Variants in GRAMD1B observed in about 807,000 individuals in gnomAD.
GRAMD1B encodes the protein GRAM domain containing 1B, also known as protein Aster-B.
Under a neutral mutation model 99.7 loss-of-function variants are expected in GRAMD1B, and 37 were observed. The ratio of observed to expected loss-of-function variants is 0.37; its 90% confidence interval spans 0.29 to 0.49. The LOEUF (loss-of-function observed/expected upper bound fraction) is 0.49. Ranked by LOEUF, GRAMD1B falls within the 20% of genes least tolerant of loss-of-function variation. The pLI is 0.98. For synonymous variants in GRAMD1B, 427 were observed against 387.6 expected (o/e 1.10, Z -1.19); for missense variants, 888 against 1,009.2 (o/e 0.88, Z 1.63).
intron 19 of GRAMD1B, among the ~76,000 whole-genome samples, chr11:123,620,147 T>C (rs896255502): frequency 6.6e-6 from 1 of 152,206 alleles, no homozygotes; most frequent in Admixed American, 6.5e-5. Flanking sequence ...TATTAAACTT[T>C]GTTTCCTTGC....
At chr11:123,517,248 A>C (rs76174411) in intron 2 of GRAMD1B, among the ~76,000 whole-genome samples, 4,635 of 152,328 alleles carry the variant, frequency 0.03, 237 homozygotes, top group African/African-American at 0.11. Context: ...GAAAAAATAA[A>C]CAGCTGATTG....
At chr11:123,557,692 A>G (rs770239782) in intron 2 of GRAMD1B, among the ~76,000 whole-genome samples, 2 of 152,362 alleles carry the variant, frequency 1.3e-5, no homozygotes, top group South Asian at 4.1e-4. Flanking sequence ...CAAAGAGCAC[A>G]GAAGAAGTAA....
At chr11:123,533,055 C>A (rs148286285) in intron 2 of GRAMD1B, among the ~76,000 whole-genome samples, 72 of 152,260 alleles carry the variant, frequency 4.7e-4, no homozygotes, top group African/African-American at 1.7e-3. Context: ...TCACAACTTC[C>A]GCCTCCCTGG....
intron 1 of GRAMD1B, among the ~76,000 whole-genome samples, chr11:123,363,584 GT>G (rs898353237): frequency 7.4e-4 from 109 of 147,956 alleles, no homozygotes; most frequent in African/African-American, 2.7e-3. Flanking sequence ...TTTTTTGTTT[GT>G]TTTTTTTTGG....
chr11:123,467,394 CTTTTTTT>C (rs11447711), intron 1 of GRAMD1B, among the ~76,000 whole-genome samples: 1 of 103,340 alleles, frequency 9.7e-6, no homozygotes, highest in African/African-American at 3.7e-5. Context: ...TTTTCAACAC[CTTTTTTT>C]TTTTTTTTTT....
chr11:123,598,518 T>C (rs1384481170), intron 7 of GRAMD1B: 1 of 1,440,588 alleles, frequency 6.9e-7, no homozygotes, highest in Non-Finnish European at 9.8e-7. Context: ...CTCAGTGTCT[T>C]ACTTGGTGCC....
At chr11:123,419,238 G>C (rs530324816) in intron 1 of GRAMD1B, among the ~76,000 whole-genome samples, 1 of 152,308 alleles carries the variant, frequency 6.6e-6, no homozygotes, top group Admixed American at 6.5e-5. Context: ...AGTGACCACA[G>C]AGGTTGTCTG....
intron 2 of GRAMD1B, among the ~76,000 whole-genome samples, chr11:123,518,553 G>C (rs1263539414): frequency 6.6e-6 from 1 of 152,098 alleles, no homozygotes; most frequent in Admixed American, 6.6e-5. Context: ...TCTCAGATAC[G>C]GTGTTTTTAC....
intron 16 of GRAMD1B, 111 bp downstream of exon 16, chr11:123,613,769 A>C: frequency 1.4e-6 from 1 of 730,710 alleles, no homozygotes; most frequent in Non-Finnish European, 2.3e-6. Flanking sequence ...TATAATTTGT[A>C]TATAATTTGA....
chr11:123,361,317 G>A (rs191635159), intron 1 of GRAMD1B, among the ~76,000 whole-genome samples: 2 of 152,304 alleles, frequency 1.3e-5, no homozygotes, highest in Admixed American at 1.3e-4. Context: ...TGTTTCCACT[G>A]TGCTGCTCCA....
chr11:123,378,144 A>G (rs1253311302), intron 1 of GRAMD1B, among the ~76,000 whole-genome samples: 2 of 152,216 alleles, frequency 1.3e-5, no homozygotes, highest in Non-Finnish European at 2.9e-5. Flanking sequence ...CGAAGGTGCT[A>G]TCTTACTTCT....
At chr11:123,435,137 C>T (rs1010041216) in intron 1 of GRAMD1B, among the ~76,000 whole-genome samples, 2 of 152,180 alleles carry the variant, frequency 1.3e-5, no homozygotes, top group African/African-American at 2.4e-5. Context: ...ACCTGAGCCT[C>T]CTCACACAAT....
chr11:123,393,146 G>T (rs1947338291), intron 1 of GRAMD1B, among the ~76,000 whole-genome samples: 1 of 152,120 alleles, frequency 6.6e-6, no homozygotes, highest in African/African-American at 2.4e-5. Flanking sequence ...CATTAGTCAG[G>T]CCTGGGTATT....
chr11:123,595,734 C>T (rs1565435351), intron 6 of GRAMD1B, among the ~76,000 whole-genome samples: 1 of 152,200 alleles, frequency 6.6e-6, no homozygotes, highest in Non-Finnish European at 1.5e-5. Flanking sequence ...ATACTCATGG[C>T]TGTAGACAAG....
intron 9 of GRAMD1B, among the ~76,000 whole-genome samples, chr11:123,604,917 A>G (rs1234755664): frequency 6.6e-6 from 1 of 152,236 alleles, no homozygotes; most frequent in African/African-American, 2.4e-5. Flanking sequence ...GCTCATGTCC[A>G]GAGTCCTGTC....
chr11:123,368,345 T>A (rs1293332147), intron 1 of GRAMD1B, among the ~76,000 whole-genome samples: 1 of 150,200 alleles, frequency 6.7e-6, no homozygotes, highest in Non-Finnish European at 1.5e-5. Context: ...ACTAGGTCAA[T>A]GGCCATAACT....
chr11:123,608,238 T>C (rs1395514789), intron 11 of GRAMD1B: 6 of 497,648 alleles, frequency 1.2e-5, no homozygotes, highest in Non-Finnish European at 2.2e-5. Context: ...AACAGACCTA[T>C]GCCATGGGTT....
At chr11:123,484,346 C>T (rs1162805308) in intron 2 of GRAMD1B, among the ~76,000 whole-genome samples, 1 of 152,158 alleles carries the variant, frequency 6.6e-6, no homozygotes, top group Non-Finnish European at 1.5e-5. Context: ...TAGCTGCTTG[C>T]TAACTAGAGA....
intron 1 of GRAMD1B, among the ~76,000 whole-genome samples, chr11:123,417,572 T>C (rs373269847): frequency 6.6e-6 from 1 of 152,304 alleles, no homozygotes; most frequent in South Asian, 2.1e-4. Context: ...TCAGCATTGA[T>C]GTTTACAAAT....
Sources: gnomAD v4.1 joint callset for allele counts (sites outside exome capture counted in the v4.1 genomes callset) on GRCh38, gnomAD v4.1.1 for gene constraint, MANE v1.5 for transcripts, NCBI Gene and HGNC (gene_info 2026-07-23, HGNC 2026-07-21) for gene names.